The following CADPS2 variants were observed in gnomAD, a reference collection of about 807,000 sequenced individuals.
The protein encoded by CADPS2 is calcium-dependent secretion activator 2.
A neutral mutation model predicts 172.5 loss-of-function variants in CADPS2; 93 were observed. The observed-to-expected ratio is 0.54, with a 90% CI of 0.46 to 0.64. The LOEUF (loss-of-function observed/expected upper bound fraction) is 0.64. Ranked by LOEUF, CADPS2 falls within the 30% of genes least tolerant of loss-of-function variation. The probability of loss-of-function intolerance (pLI) is 0.00; values close to 1 mark genes in which losing one functional copy is unlikely to be tolerated. For synonymous variants in CADPS2, 546 were observed against 555.2 expected, an observed-to-expected ratio of 0.98 and a Z score of 0.23; for missense variants, 1,420 against 1,565.9, an observed-to-expected ratio of 0.91 and a Z score of 1.57.
chr7:122,607,189 G>T (rs1322997490), intron 6 of CADPS2, among the ~76,000 whole-genome samples: 1 of 152,142 alleles, frequency 6.6e-6, no homozygotes, highest in Non-Finnish European at 1.5e-5. Context: ...AGGTTTCTGA[G>T]TGATTTAGAA....
chr7:122,750,748 T>TA (rs1180975500), intron 1 of CADPS2, among the ~76,000 whole-genome samples: 2 of 152,126 alleles, frequency 1.3e-5, no homozygotes, highest in East Asian at 1.9e-4. Context: ...GAGCTTTTTT[T>TA]AAAAAATGCA....
At chr7:122,473,327 C>T (rs940695798) in intron 13 of CADPS2, among the ~76,000 whole-genome samples, 2 of 152,242 alleles carry the variant, frequency 1.3e-5, no homozygotes, top group Non-Finnish European at 2.9e-5. Flanking sequence ...GCTTTTTCCA[C>T]CACGTGGCTG....
At chr7:122,795,724 C>A (rs759028752) in intron 1 of CADPS2, among the ~76,000 whole-genome samples, 1 of 152,024 alleles carries the variant, frequency 6.6e-6, no homozygotes, top group Non-Finnish European at 1.5e-5. Flanking sequence ...AAAATAAGAG[C>A]CATCTATGAC....
At position 122,663,270 on chromosome 7, in the gene CADPS2, T is replaced by A; in HGVS notation, c.753A>T (p.Lys251Asn). Reference protein sequence around the residue: ...EMFQQILGIKKLEHQLLYNAC... With the variant: ...EMFQQILGIKNLEHQLLYNAC... ...CATTATAAAGGAGCTGGTGTTCCAG[T>A]TTTTTAATACCCAGAATCTGCTGAA... is the stretch of plus-strand genomic sequence containing the variant. The change falls in exon 3 of 30, where the codon AAA becomes AAT. Residue 251 changes from lysine (K) to asparagine (N), a missense_variant. Physicochemically the swap from Lys to Asn is moderately conservative, Grantham distance 94 (BLOSUM62 0). Coordinates refer to ENST00000449022, the MANE Select transcript of CADPS2 (RefSeq NM_017954.11). 1.2e-6 allele frequency: 2 copies of A among 1,613,426 alleles called. No homozygotes were observed. The highest frequency in any genetic ancestry group is 1.7e-6 in the Non-Finnish European group (2 of 1,179,570).
At chr7:122,660,904 C>T (rs867905613) in intron 3 of CADPS2, among the ~76,000 whole-genome samples, 2 of 151,970 alleles carry the variant, frequency 1.3e-5, no homozygotes, top group Middle Eastern at 6.8e-3. Flanking sequence ...AGGAAGACTT[C>T]GTCTCGGAAA....
At position 122,474,489 on chromosome 7, in the gene CADPS2, C is replaced by T. The variant is rs190105735; in HGVS notation, c.1890G>A (p.Met630Ile). The change falls in exon 13 of 30, where the codon ATG becomes ATA. Residue 630 changes from methionine (M) to isoleucine (I), a missense_variant. Met to Ile is a conservative substitution (Grantham distance 10). Transcript: ENST00000449022. ...KDADRFQKHG[M>I]DEFISANPCK... The stretch of plus-strand genomic sequence containing the variant: ...AGGGGTTTGCAGAAATAAACTCATC[C>T]ATACCATGTTTCTGAAAACGATCTG... The T allele has an allele frequency of 3.1e-6, 5 of 1,612,880 alleles. No homozygotes were observed. The Admixed American group carries it at 5.0e-5, about 16-fold the overall frequency.
At chr7:122,769,005 G>C (rs1296835485) in intron 1 of CADPS2, among the ~76,000 whole-genome samples, 1 of 151,580 alleles carries the variant, frequency 6.6e-6, no homozygotes, top group Non-Finnish European at 1.5e-5. Context: ...TATATTTCTA[G>C]ATCACAACAA....
intron 8 of CADPS2, among the ~76,000 whole-genome samples, chr7:122,541,233 G>T (rs1351960422): frequency 1.4e-5 from 2 of 144,162 alleles, no homozygotes; most frequent in Admixed American, 1.4e-4. Flanking sequence ...GAGTCTCACT[G>T]TTGCCCAGGT....
intron 8 of CADPS2, among the ~76,000 whole-genome samples, chr7:122,525,124 A>G (rs530637404): frequency 6.7e-6 from 1 of 148,350 alleles, no homozygotes; most frequent in South Asian, 2.2e-4. Flanking sequence ...TGGACAACAC[A>G]GTGAGACCCT....
At chr7:122,545,053 T>A (rs1284397056) in intron 8 of CADPS2, among the ~76,000 whole-genome samples, 1 of 152,164 alleles carries the variant, frequency 6.6e-6, no homozygotes, top group Non-Finnish European at 1.5e-5. Flanking sequence ...ACACAGGTGG[T>A]TGAGAATGCC....
chr7:122,323,876 TATATATATATATATATATATATATA>T (rs2033198252), intron 29 of CADPS2, among the ~76,000 whole-genome samples: 2 of 17,778 alleles, frequency 1.1e-4, no homozygotes, highest in African/African-American at 2.9e-4. Flanking sequence ...GTATATTTTA[TATATATATATATATATATATATATA>T]TATATATATA....
chr7:122,792,607 A>T (rs1795522607), intron 1 of CADPS2, among the ~76,000 whole-genome samples: 1 of 152,206 alleles, frequency 6.6e-6, no homozygotes, highest in Non-Finnish European at 1.5e-5. Context: ...TTAGAGATAC[A>T]CCTATAAGAT....
chr7:122,627,628 A>G (rs1416131228), intron 4 of CADPS2, among the ~76,000 whole-genome samples: 1 of 152,190 alleles, frequency 6.6e-6, no homozygotes, highest in Non-Finnish European at 1.5e-5. Context: ...CTCTTCTTCC[A>G]GTCCCATAAC....
intron 7 of CADPS2, 71 bp downstream of exon 7, chr7:122,581,108 T>C: frequency 9.4e-7 from 1 of 1,066,982 alleles, no homozygotes; most frequent in East Asian, 2.4e-5. Context: ...GGCATACTGA[T>C]CTACCTTAAT....
intron 20 of CADPS2, among the ~76,000 whole-genome samples, chr7:122,402,963 T>G (rs1032896864): frequency 2.0e-5 from 3 of 152,222 alleles, no homozygotes; most frequent in Non-Finnish European, 4.4e-5. Context: ...ATGGCCGCAA[T>G]GTAAGAATTT....
rs1405288467 is a variant in CADPS2 at position 122,454,473 on chromosome 7, T to C, written c.2187-2998A>G. ...ATAATAACGAGCAATAGAAACCCAA[T>C]GAAACCATGAAAGTTATATTTGAAA... On this transcript the variant is annotated intron_variant, in intron 14 of 29. Transcript: ENST00000449022. 2.6e-5 allele frequency among the ~76,000 whole-genome samples: 4 copies of C among 152,250 alleles called. No homozygotes were observed. In the South Asian group the frequency reaches 8.3e-4, roughly 32 times the overall value.
At chr7:122,462,591 T>C (rs543083628) in intron 14 of CADPS2, among the ~76,000 whole-genome samples, 7 of 152,204 alleles carry the variant, frequency 4.6e-5, no homozygotes, top group Non-Finnish European at 1.0e-4. Flanking sequence ...AATAGTCATA[T>C]TGAAAAATTA....
Position 122,835,564 on chromosome 7 carries a change from A to G in CADPS2, c.339+50435T>C, listed in dbSNP as rs572402771. Among the ~76,000 whole-genome samples, 175 of 152,344 alleles carry G rather than the reference A, an allele frequency of 1.1e-3. 1 individual carries two copies. In the Middle Eastern group the frequency reaches 0.014, roughly 12 times the overall value. On this transcript the variant is annotated intron_variant, in intron 1 of 29. Coordinates refer to ENST00000449022, the MANE Select transcript of CADPS2 (RefSeq NM_017954.11). Reference sequence around the variant, plus strand: ...AAGATTAGACGAACGGATAACTAGAATACCCAGTGTAGAGAAGTCCTTAAA... The same window carrying G: ...AAGATTAGACGAACGGATAACTAGAGTACCCAGTGTAGAGAAGTCCTTAAA...
At chr7:122,654,538 C>T (rs1164285871) in intron 3 of CADPS2, among the ~76,000 whole-genome samples, 1 of 152,156 alleles carries the variant, frequency 6.6e-6, no homozygotes, top group Non-Finnish European at 1.5e-5. Flanking sequence ...ATAAATGGAA[C>T]AACAAAGCCT....
Sources: gnomAD v4.1 joint callset for allele counts (sites outside exome capture counted in the v4.1 genomes callset) on GRCh38, gnomAD v4.1.1 for gene constraint, MANE v1.5 for transcripts, NCBI Gene and HGNC (gene_info 2026-07-23, HGNC 2026-07-21) for gene names.